The following ITPR1 variants were observed in gnomAD, a reference collection of about 807,000 sequenced individuals.
ITPR1 encodes inositol 1,4,5-trisphosphate receptor type 1.
A neutral mutation model predicts 318.4 loss-of-function variants in ITPR1; 96 were observed. The ratio of observed to expected loss-of-function variants is 0.30; its 90% CI spans 0.26 to 0.36. The LOEUF (loss-of-function observed/expected upper bound fraction) is 0.36. Ranked by LOEUF, ITPR1 falls within the 10% of genes least tolerant of loss-of-function variation. The pLI, the probability that ITPR1 is intolerant of heterozygous loss-of-function variation, is 1.00. For synonymous variants in ITPR1, 1,312 were observed against 1,289.9 expected (o/e 1.02, Z -0.37); for missense variants, 2,440 against 3,460.2 (o/e 0.71, Z 7.40).
intron 4 of ITPR1, among the ~76,000 whole-genome samples, chr3:4,561,158 C>G (rs1368414346): frequency 6.6e-6 from 1 of 152,112 alleles, no homozygotes; most frequent in Admixed American, 6.6e-5. Flanking sequence ...AGTGCTGAGT[C>G]GTTTTGAATA....
chr3:4,548,645 T>G (rs2085259652), intron 4 of ITPR1, among the ~76,000 whole-genome samples: 1 of 152,174 alleles, frequency 6.6e-6, no homozygotes, highest in South Asian at 2.1e-4. Context: ...CAAGGTGACA[T>G]GAAAGGCATT....
chr3:4,630,137 C>A (rs1224306668), intron 5 of ITPR1, among the ~76,000 whole-genome samples: 1 of 152,054 alleles, frequency 6.6e-6, no homozygotes, highest in Non-Finnish European at 1.5e-5. Context: ...ATTGAATACT[C>A]TTCTTAAGTC....
intron 18 of ITPR1, among the ~76,000 whole-genome samples, chr3:4,669,169 A>C (rs573313226): frequency 6.6e-6 from 1 of 152,378 alleles, no homozygotes; most frequent in African/African-American, 2.4e-5. Context: ...TTTAATCCGC[A>C]GGACAGCCCT....
chr3:4,673,814 C>G (rs1263033813), intron 21 of ITPR1, among the ~76,000 whole-genome samples: 1 of 152,164 alleles, frequency 6.6e-6, no homozygotes, highest in Non-Finnish European at 1.5e-5. Context: ...GATCTCCTGA[C>G]CTTGTGAGCC....
intron 4 of ITPR1, among the ~76,000 whole-genome samples, chr3:4,566,579 C>A (rs552118308): frequency 1.4e-5 from 2 of 146,760 alleles, no homozygotes; most frequent in South Asian, 4.3e-4. Flanking sequence ...ACTATTTGGC[C>A]CAGGAAGCCT....
chr3:4,686,150 A>G (rs2125237234), intron 30 of ITPR1, among the ~76,000 whole-genome samples: 1 of 152,330 alleles, frequency 6.6e-6, no homozygotes, highest in East Asian at 1.9e-4. Flanking sequence ...GGAGAGGTTC[A>G]GTAACTTGCG....
At chr3:4,674,021 A>G (rs1352866360) in intron 21 of ITPR1, among the ~76,000 whole-genome samples, 181 bp from the exon 22 acceptor site, 1 of 152,240 alleles carries the variant, frequency 6.6e-6, no homozygotes, top group Non-Finnish European at 1.5e-5. Flanking sequence ...AAGACAGACA[A>G]TAGGCAAGAT....
intron 44 of ITPR1, among the ~76,000 whole-genome samples, chr3:4,746,392 C>T (rs2044112914): frequency 6.6e-6 from 1 of 152,220 alleles, no homozygotes; most frequent in Non-Finnish European, 1.5e-5. Context: ...TATTGTCCTG[C>T]AGCTGCAACT....
intron 5 of ITPR1, among the ~76,000 whole-genome samples, chr3:4,634,751 G>A (rs1285982912): frequency 6.6e-6 from 1 of 152,084 alleles, no homozygotes; most frequent in Non-Finnish European, 1.5e-5. Context: ...ATCAACAGGA[G>A]TGTGCTATTC....
At chr3:4,578,480 T>C (rs1299342687) in intron 4 of ITPR1, among the ~76,000 whole-genome samples, 1 of 150,804 alleles carries the variant, frequency 6.6e-6, no homozygotes, top group Non-Finnish European at 1.5e-5. Context: ...AGAATTTTTA[T>C]TGTGTGTGTG....
At chr3:4,718,035 C>A (rs1160075121) in intron 40 of ITPR1, among the ~76,000 whole-genome samples, 1 of 152,170 alleles carries the variant, frequency 6.6e-6, no homozygotes, top group African/African-American at 2.4e-5. Flanking sequence ...GGCTTCTGTA[C>A]TTATATATCA....
intron 15 of ITPR1, among the ~76,000 whole-genome samples, chr3:4,662,594 A>T (rs2093858529): frequency 1.3e-5 from 2 of 152,078 alleles, no homozygotes; most frequent in African/African-American, 2.4e-5. Context: ...ATGATGGCGG[A>T]TGCCTGTAAT....
At position 4,627,538 on chromosome 3, in the gene ITPR1, G is replaced by A. The variant is rs57917131; in HGVS notation, c.164-225G>A. ...AATTTGTACAGCTCTGCTACCAAGT[G>A]GTTCTGTAGAACAATCGACTCACTT... On this transcript the variant is annotated intron_variant, in intron 4 of 61. Transcript: ENST00000649015. Among the ~76,000 whole-genome samples, 12,935 of 152,114 alleles carry A rather than the reference G, an allele frequency of 0.085. 729 individuals are homozygous for A. The highest frequency in any genetic ancestry group is 0.16 in the African/African-American group (6,446 of 41,462).
chr3:4,727,285 CATTA>C lies in ITPR1; in HGVS notation c.5220+116_5220+119del. The C allele has an allele frequency of 4.1e-6, 3 of 730,080 alleles. No homozygotes were observed. The South Asian group carries it at 6.7e-5, about 16-fold the overall frequency. The allele number at this position is 730,080 out of a possible 1,614,324, so 45.2% of individuals were successfully genotyped here. On this transcript the variant is annotated intron_variant, in intron 42 of 61. Transcript: ENST00000649015. ...GCTTTTGTTGTTGATATTGTTAAAGCATTAATTGACTCAAGAGCAATCACAGCCA... is the reference window on the plus strand; with the variant it reads ...GCTTTTGTTGTTGATATTGTTAAAGCATTGACTCAAGAGCAATCACAGCCA...
intron 4 of ITPR1, among the ~76,000 whole-genome samples, chr3:4,602,990 G>A (rs142081350): frequency 0.011 from 1,631 of 152,218 alleles, 14 homozygotes; most frequent in African/African-American, 0.034. Flanking sequence ...TTTGTTGGAT[G>A]TGAACAATAT....
intron 34 of ITPR1, 26 bp from the exon 35 acceptor site, chr3:4,699,787 G>C: frequency 6.2e-7 from 1 of 1,612,256 alleles, no homozygotes; most frequent in Non-Finnish European, 8.5e-7. Context: ...TTGGTGTAAT[G>C]CTTAACATAC....
At chr3:4,714,723 A>T (rs1017823192) in intron 39 of ITPR1, among the ~76,000 whole-genome samples, 1 of 152,248 alleles carries the variant, frequency 6.6e-6, no homozygotes, top group Non-Finnish European at 1.5e-5. Flanking sequence ...ACCCATCTTT[A>T]CTTTTTCATT....
At chr3:4,645,807 C>G in intron 10 of ITPR1, 79 bp downstream of exon 10, 1 of 1,338,148 alleles carries the variant, frequency 7.5e-7, no homozygotes. Context: ...CTCTATCCTA[C>G]AAATATTCAT....
At chr3:4,691,534 C>A (rs920078301) in intron 32 of ITPR1, among the ~76,000 whole-genome samples, 190 bp downstream of exon 32, 5 of 152,158 alleles carry the variant, frequency 3.3e-5, no homozygotes, top group African/African-American at 9.7e-5. Context: ...AGAATCTGAT[C>A]TGATATTTCA....
Sources: allele counts gnomAD v4.1 joint callset (sites outside exome capture counted in the v4.1 genomes callset), GRCh38; gene constraint gnomAD v4.1.1; transcripts MANE v1.5; gene names NCBI Gene and HGNC (gene_info 2026-07-23, HGNC 2026-07-21).